Variants in NOP53 observed in about 807,000 individuals in gnomAD.
The protein encoded by NOP53 is ribosome biogenesis protein NOP53.
NOP53 carries 40 observed loss-of-function variants against 61.0 expected under a neutral mutation model. The observed-to-expected ratio is 0.66, with a 90% confidence interval of 0.51 to 0.85. NOP53 has a LOEUF of 0.85. Ranked by LOEUF, NOP53 falls within the 40% of genes least tolerant of loss-of-function variation. The pLI, the probability that NOP53 is intolerant of heterozygous loss-of-function variation, is 0.00. For missense variants in NOP53, 689 were observed against 652.9 expected, an observed-to-expected ratio of 1.06 and a Z score of -0.60; for synonymous variants, 308 against 289.5, an observed-to-expected ratio of 1.06 and a Z score of -0.65.
chr19:47,747,103 C>A (rs1331101119), intron 2 of NOP53, 72 bp downstream of exon 2: 1 of 1,218,964 alleles, frequency 8.2e-7, no homozygotes, highest in Non-Finnish European at 1.2e-6. Context: ...CCTCTGAGAT[C>A]TGTGTTAATG....
In NOP53 at chr19:47,747,046, T is replaced by C. The variant is rs373705092; in HGVS notation, c.289+15T>C. 1.2e-6 allele frequency: 2 copies of C among 1,607,398 alleles called. No individual in the cohort carries two copies. Among genetic ancestry groups the C allele is most frequent in the Non-Finnish European group, 8.5e-7 (1 of 1,174,132 alleles). On this transcript the variant is annotated intron_variant, in intron 2 of 12. Coordinates refer to ENST00000246802, the MANE Select transcript of NOP53 (RefSeq NM_015710.5). Reference sequence around the variant, plus strand: ...CAAGGAAAAAGGTGAGGAGAGGCTTTTGTGGTGTGGAATGGCGGTTATTCA... The same window carrying C: ...CAAGGAAAAAGGTGAGGAGAGGCTTCTGTGGTGTGGAATGGCGGTTATTCA...
In NOP53 at chr19:47,751,078, G is replaced by C; in HGVS notation, c.569G>C (p.Arg190Pro). 1.9e-6 allele frequency: 3 copies of C among 1,608,800 alleles called. No individual in the cohort carries two copies. Among genetic ancestry groups the C allele is most frequent in the Non-Finnish European group, 2.5e-6 (3 of 1,178,366 alleles). Residue 190 changes from arginine to proline, a missense_variant, in exon 4 of 13, where the codon CGG (arginine) becomes CCG (proline). By Grantham distance (103) the Arg-to-Pro change is moderately radical. Coordinates refer to ENST00000246802, the MANE Select transcript of NOP53 (RefSeq NM_015710.5). ...CCCGGGCCCCAGGACACCGTAGAGC[G>C]GCCCTTCTACGACCTCTGGGCCTCA... The part of the protein sequence containing the change: ...AKPGPQDTVE[R>P]PFYDLWASDN...
rs1479385008 is a variant in NOP53 at position 47,745,753 on chromosome 19, A to C, written c.194A>C (p.Glu65Ala). Residue 65 changes from glutamate (E) to alanine (A), a missense_variant, in exon 1 of 13, where the codon GAA becomes GCA. By Grantham distance (107) the Glu-to-Ala change is moderately radical (BLOSUM62 -1). Coordinates refer to ENST00000246802, the MANE Select transcript of NOP53 (RefSeq NM_015710.5). ...GGGCTGGAGGTTGACCAGTTCCTGG[A>C]AGACGTGCGGCTACAGGAGCGCACG... Reference protein sequence around the residue: ...PLGLEVDQFLEDVRLQERTSG... With the variant: ...PLGLEVDQFLADVRLQERTSG... 6.3e-7 allele frequency: 1 copy of C among 1,592,456 alleles called. No individual in the cohort carries two copies. Among genetic ancestry groups the C allele is most frequent in the Admixed American group, 1.8e-5 (1 of 56,528 alleles).
intron 3 of NOP53, 88 bp from the exon 4 acceptor site, chr19:47,750,820 G>A: frequency 9.0e-7 from 1 of 1,113,262 alleles, no homozygotes; most frequent in Non-Finnish European, 1.3e-6. Context: ...CTGCCTTAAT[G>A]GTGGAGGAAG....
chr19:47,756,659 C>T (rs1388428903), intron 11 of NOP53, 29 bp from the exon 12 acceptor site: 1 of 1,613,636 alleles, frequency 6.2e-7, no homozygotes, highest in Non-Finnish European at 8.5e-7. Context: ...TGGCCCCGGG[C>T]ACTGATTGCT....
At chr19:47,751,891 C>A (rs546322513) in intron 5 of NOP53, among the ~76,000 whole-genome samples, 1 of 152,108 alleles carries the variant, frequency 6.6e-6, no homozygotes, top group East Asian at 1.9e-4. Flanking sequence ...CACCTGAGGT[C>A]GGGAGTTTGA....
intron 9 of NOP53, 25 bp from the exon 10 acceptor site, chr19:47,755,731 T>G: frequency 6.3e-7 from 1 of 1,599,234 alleles, no homozygotes; most frequent in South Asian, 1.1e-5. Context: ...GGGTGATATT[T>G]CTGAACACCC....
chr19:47,755,105 C>T (rs562862304), intron 8 of NOP53, among the ~76,000 whole-genome samples: 217 of 151,996 alleles, frequency 1.4e-3, no homozygotes, highest in African/African-American at 4.9e-3. Flanking sequence ...GGGTCCCTGG[C>T]GCTTCTGTTT....
intron 9 of NOP53, 67 bp from the exon 10 acceptor site, chr19:47,755,689 G>C: frequency 6.9e-7 from 1 of 1,455,446 alleles, no homozygotes; most frequent in Non-Finnish European, 9.4e-7. Context: ...CTCCAGGAGG[G>C]GGCTTTGGAC....
intron 10 of NOP53, 153 bp downstream of exon 10, chr19:47,755,975 A>G: frequency 1.6e-6 from 1 of 620,668 alleles, no homozygotes; most frequent in South Asian, 1.9e-5. Context: ...GGATGCTGGG[A>G]TGAGATCCCA....
chr19:47,752,210 G>C (rs1040930709), intron 5 of NOP53, among the ~76,000 whole-genome samples: 1 of 152,224 alleles, frequency 6.6e-6, no homozygotes, highest in South Asian at 2.1e-4. Context: ...GCCCGTGCTG[G>C]CAAGTGGCAG....
chr19:47,753,015 C>CA (rs1568599637), intron 6 of NOP53: 3 of 180,202 alleles, frequency 1.7e-5, no homozygotes, highest in South Asian at 1.4e-4. Context: ...GCTGTGGTGA[C>CA]ACGGTGGCAC....
chr19:47,745,635 C>A lies in NOP53; in HGVS notation c.76C>A (p.Arg26=). 6.2e-7 allele frequency: 1 copy of A among 1,613,928 alleles called. No individual in the cohort carries two copies. The highest frequency in any genetic ancestry group is 8.5e-7 in the Non-Finnish European group (1 of 1,179,934). Residue 26 remains arginine, a synonymous_variant, in exon 1 of 13, where the codon CGG becomes AGG. Transcript: ENST00000246802. The part of the protein sequence containing the change: ...SDADSGFLGL[R]PTSVDPALRR... ...TGCCGATTCTGGTTTCCTGGGGCTG[C>A]GGCCCACTTCGGTGGACCCAGCGCT...
chr19:47,754,317 C>T lies in NOP53; in HGVS notation c.766-210C>T. 1 of 566,876 alleles carries T rather than the reference C, an allele frequency of 1.8e-6. No individual in the cohort carries two copies. Among genetic ancestry groups the T allele is most frequent in the Non-Finnish European group, 3.2e-6 (1 of 313,930 alleles). 35.1% of individuals were successfully genotyped at this position (566,876 alleles called of 1,614,324 possible). ...AAGCGTGCAGGTCAGACTGCCTTCA[C>T]AGACGTGCAGAGCAGGTGTGAGGGC... On this transcript the variant is annotated intron_variant, in intron 6 of 12. Transcript: ENST00000246802. The surrounding 1 kb of genome is among the most constrained non-coding windows in gnomAD (Gnocchi z 4.2).
chr19:47,755,719 G>A (rs538924630), intron 9 of NOP53, 37 bp from the exon 10 acceptor site: 49 of 1,572,202 alleles, frequency 3.1e-5, no homozygotes, highest in East Asian at 3.0e-4. Flanking sequence ...TGGGCCCCGC[G>A]GGGGTGATAT....
In NOP53 at chr19:47,756,401, C is replaced by T. The variant is rs1599922080; in HGVS notation, c.1297-127C>T. 1.0e-5 allele frequency: 7 copies of T among 674,804 alleles called. No homozygotes were observed. In the East Asian group the frequency reaches 1.9e-4, roughly 18 times the overall value. The allele number at this position is 674,804 out of a possible 1,614,324, so 41.8% of individuals were successfully genotyped here. A position where few individuals can be genotyped will look rare whatever the true frequency, so the allele number is the denominator to read the frequency against. Reference sequence around the variant, plus strand: ...CCAGCAGCTGAGGGCCAGGCTGAGTCCCTGGTGCCCACAGGCTGCCCTGGG... The same window carrying T: ...CCAGCAGCTGAGGGCCAGGCTGAGTTCCTGGTGCCCACAGGCTGCCCTGGG... On this transcript the variant is annotated intron_variant, in intron 10 of 12. Coordinates refer to ENST00000246802, the MANE Select transcript of NOP53 (RefSeq NM_015710.5).
At chr19:47,748,390 G>T (rs1475208236) in intron 2 of NOP53, among the ~76,000 whole-genome samples, 1 of 152,070 alleles carries the variant, frequency 6.6e-6, no homozygotes, top group Non-Finnish European at 1.5e-5. Context: ...ACTTCAATAT[G>T]TAGAAAAACA....
intron 4 of NOP53, 61 bp from the exon 5 acceptor site, chr19:47,751,459 A>G (rs1599916705): frequency 2.4e-6 from 3 of 1,273,166 alleles, no homozygotes; most frequent in Non-Finnish European, 3.4e-6. Context: ...ATTGGGGGGG[A>G]GCCTTTGGTG....
intron 1 of NOP53, chr19:47,746,158 A>T (rs1461989900): frequency 5.4e-6 from 1 of 184,584 alleles, no homozygotes; most frequent in African/African-American, 2.4e-5. Context: ...GTGTATATAT[A>T]TATGTGTATA....
Sources: allele counts gnomAD v4.1 joint callset (sites outside exome capture counted in the v4.1 genomes callset), GRCh38; gene constraint gnomAD v4.1.1; non-coding constraint Gnocchi (gnomAD v3.1); transcripts MANE v1.5; gene names NCBI Gene and HGNC (gene_info 2026-07-23, HGNC 2026-07-21).